Variants in LY86 observed in about 807,000 individuals in gnomAD.
LY86 encodes the protein MD-1, RP105-associated.
A neutral mutation model predicts 17.3 loss-of-function variants in LY86; 20 were observed. The observed-to-expected ratio is 1.15, with a 90% CI of 0.81 to 1.68. The LOEUF is 1.68. LY86 is among the 40% of genes most tolerant of loss of function. LY86 has a pLI of 0.00. For missense variants in LY86, 200 were observed against 191.9 expected, an observed-to-expected ratio of 1.04 and a Z score of -0.25; for synonymous variants, 74 against 70.6, an observed-to-expected ratio of 1.05 and a Z score of -0.24.
Position 6,609,361 on chromosome 6 carries a change from A to G in LY86, c.137-15565A>G, listed in dbSNP as rs948294809. Among the ~76,000 whole-genome samples the G allele has an allele frequency of 3.3e-5, 5 of 152,354 alleles. No homozygotes were observed. In the East Asian group the frequency reaches 7.7e-4, roughly 23 times the overall value. ...TGAAGAATTTGACTTCCCTGGTTCC[A>G]GTTCAAGACATACGGGTGGGAACTC... On this transcript the variant is annotated intron_variant, in intron 1 of 4. Coordinates refer to ENST00000230568, the MANE Select transcript of LY86 (RefSeq NM_004271.4).
chr6:6,641,329 G>A (rs914494560), intron 3 of LY86, among the ~76,000 whole-genome samples: 4 of 152,172 alleles, frequency 2.6e-5, no homozygotes, highest in Non-Finnish European at 5.9e-5. Context: ...ACACTTGTGC[G>A]CTATTCAGGG....
intron 1 of LY86, among the ~76,000 whole-genome samples, chr6:6,606,466 C>T (rs888625887): frequency 3.9e-5 from 6 of 152,240 alleles, no homozygotes; most frequent in African/African-American, 1.4e-4. Context: ...CCACACCGCG[C>T]ACCCGCACTC....
In LY86 at chr6:6,600,715, G is replaced by T. The variant is rs144062112; in HGVS notation, c.136+11845G>T. On this transcript the variant is annotated intron_variant, in intron 1 of 4. Coordinates refer to ENST00000230568, the MANE Select transcript of LY86 (RefSeq NM_004271.4). Reference sequence around the variant, plus strand: ...TGGTCTTTTCTCCAAATGTAGAAAAGCTCGCTGCATACAACCAACTTCATC... The same window carrying T: ...TGGTCTTTTCTCCAAATGTAGAAAATCTCGCTGCATACAACCAACTTCATC... Among the ~76,000 whole-genome samples, 615 of 150,318 alleles carry T rather than the reference G, an allele frequency of 4.1e-3. 4 individuals are homozygous for T. Among genetic ancestry groups the T allele is most frequent in the African/African-American group, 0.014 (564 of 40,806 alleles).
chr6:6,604,710 G>A (rs376555662), intron 1 of LY86, among the ~76,000 whole-genome samples: 182 of 152,264 alleles, frequency 1.2e-3, no homozygotes, highest in African/African-American at 4.1e-3. Flanking sequence ...AGATATCAGT[G>A]CATTACATTG....
intron 1 of LY86, among the ~76,000 whole-genome samples, chr6:6,604,868 A>G (rs1007889833): frequency 6.6e-6 from 1 of 151,792 alleles, no homozygotes; most frequent in African/African-American, 2.4e-5. Flanking sequence ...GTTGCAAGAG[A>G]AATTACCTAA....
Position 6,626,326 on chromosome 6 carries a change from C to T in LY86, c.257C>T (p.Ala86Val). The change falls in exon 3 of 5, where the codon GCT becomes GTT. Residue 86 changes from alanine to valine, a missense_variant. Ala to Val is a moderately conservative substitution (Grantham distance 64). Transcript: ENST00000230568. ...ATCAAAGAGCTTTTTCTTGACCTAG[C>T]TCTCATGTCTCAAGGCTCATCTGTT... ...EDIKELFLDLALMSQGSSVLN... is the reference protein window; with the variant it reads ...EDIKELFLDLVLMSQGSSVLN... The T allele has an allele frequency of 6.2e-7, 1 of 1,613,968 alleles. No homozygotes were observed. Among genetic ancestry groups the T allele is most frequent in the East Asian group, 2.2e-5 (1 of 44,888 alleles).
At chr6:6,605,221 A>C (rs1456351909) in intron 1 of LY86, among the ~76,000 whole-genome samples, 1 of 152,270 alleles carries the variant, frequency 6.6e-6, no homozygotes, top group Non-Finnish European at 1.5e-5. Flanking sequence ...CTATTTCTGC[A>C]TAACAAATAC....
In LY86 at chr6:6,649,626, G is replaced by A. The variant is rs1225133426; in HGVS notation, c.354G>A (p.Glu118=). 3 of 1,553,626 alleles carry A rather than the reference G, an allele frequency of 1.9e-6. No individual in the cohort carries two copies. The highest frequency in any genetic ancestry group is 1.2e-5 in the South Asian group (1 of 86,596). ...KFSFCGRRKG[E]QIYYAGPVNN... is the part of the protein sequence containing the mutation. ...TCTATGCTTTATATATTTTTTCAGA[G>A]CAGATTTACTATGCTGGGCCTGTCA... The change falls in exon 4 of 5, where the codon GAG becomes GAA. Residue 118 remains glutamate, a splice_region_variant and synonymous_variant. Coordinates refer to ENST00000230568, the MANE Select transcript of LY86 (RefSeq NM_004271.4).
rs1372440310 is a variant in LY86, at chr6:6,654,533, GC to G, written c.406-7del. The stretch of plus-strand genomic sequence containing the variant: ...GTCACACGTCTAATACTTGACCTGT[GC>G]CCCTTGCAGGGAGAATACCAGGTTT... On this transcript the variant is annotated splice_polypyrimidine_tract_variant and intron_variant, in intron 4 of 4. Transcript: ENST00000230568. The G allele has an allele frequency of 6.2e-7, 1 of 1,606,448 alleles. No individual in the cohort carries two copies. The highest frequency in any genetic ancestry group is 8.5e-7 in the Non-Finnish European group (1 of 1,172,980).
At chr6:6,611,877 G>T (rs928288424) in intron 1 of LY86, among the ~76,000 whole-genome samples, 1 of 151,874 alleles carries the variant, frequency 6.6e-6, no homozygotes, top group Non-Finnish European at 1.5e-5. Context: ...CATTTTTTCT[G>T]CACCTACCAA....
intron 3 of LY86, among the ~76,000 whole-genome samples, chr6:6,646,562 T>C (rs1240657513): frequency 1.3e-5 from 2 of 152,196 alleles, no homozygotes. Flanking sequence ...GCACCCTTTC[T>C]GAAATCTAAA....
At chr6:6,647,218 G>T (rs115837044) in intron 3 of LY86, among the ~76,000 whole-genome samples, 1,523 of 152,202 alleles carry the variant, frequency 0.01, 25 homozygotes, top group African/African-American at 0.035. Context: ...AATGCAGGAG[G>T]GAGTGTTAAT....
intron 4 of LY86, among the ~76,000 whole-genome samples, chr6:6,651,331 C>G (rs902325776): frequency 6.6e-6 from 1 of 152,192 alleles, no homozygotes; most frequent in Non-Finnish European, 1.5e-5. Flanking sequence ...GGTTTGTTTC[C>G]TTTCTTTCCC....
At chr6:6,599,352 A>G (rs1436290312) in intron 1 of LY86, among the ~76,000 whole-genome samples, 1 of 152,244 alleles carries the variant, frequency 6.6e-6, no homozygotes, top group African/African-American at 2.4e-5. Flanking sequence ...TCCAACCAGC[A>G]GAAGAAACTT....
intron 1 of LY86, among the ~76,000 whole-genome samples, chr6:6,598,668 GC>G (rs1760794375): frequency 1.3e-5 from 2 of 152,130 alleles, no homozygotes; most frequent in South Asian, 4.1e-4. Flanking sequence ...TTTAAGTTGT[GC>G]TAAGTCAGTG....
intron 3 of LY86, among the ~76,000 whole-genome samples, chr6:6,637,086 C>T (rs532268861): frequency 1.3e-5 from 2 of 148,226 alleles, no homozygotes; most frequent in Non-Finnish European, 3.0e-5. Context: ...GATCTCGGCT[C>T]ACTGCAAGCT....
intron 1 of LY86, among the ~76,000 whole-genome samples, chr6:6,606,064 G>A (rs368969905): frequency 3.3e-5 from 5 of 152,144 alleles, no homozygotes; most frequent in Admixed American, 6.5e-5. Flanking sequence ...CTGCTAGCGC[G>A]GGCAGCCTGC....
Position 6,595,791 on chromosome 6 carries a change from G to A in LY86, c.136+6921G>A, listed in dbSNP as rs528380372. On this transcript the variant is annotated intron_variant, in intron 1 of 4. Coordinates refer to ENST00000230568, the MANE Select transcript of LY86 (RefSeq NM_004271.4). ...CAGAGCCCTCCTGCACAGGAGGCAT[G>A]CTAATTTCCTGAGGAAGCCCTATTT... Among the ~76,000 whole-genome samples the A allele has an allele frequency of 1.4e-3, 211 of 152,320 alleles. 3 individuals are homozygous for A. Among genetic ancestry groups the A allele is most frequent in the Non-Finnish European group, 1.9e-4 (13 of 68,028 alleles).
chr6:6,596,575 T>C (rs1042222167), intron 1 of LY86, among the ~76,000 whole-genome samples: 29 of 152,232 alleles, frequency 1.9e-4, no homozygotes, highest in African/African-American at 7.0e-4. Flanking sequence ...TTCAGAGGGA[T>C]GACTCTGGGC....
Sources: gnomAD v4.1 joint callset for allele counts (sites outside exome capture counted in the v4.1 genomes callset) on GRCh38, gnomAD v4.1.1 for gene constraint, MANE v1.5 for transcripts, NCBI Gene and HGNC (gene_info 2026-07-23, HGNC 2026-07-21) for gene names.